ASXL2: variants seen among roughly 807,000 people sequenced by gnomAD.
The protein encoded by ASXL2 is ASXL transcriptional regulator 2.
A neutral mutation model predicts 122.0 loss-of-function variants in ASXL2; 23 were observed. That is an observed-to-expected ratio of 0.19 (90% CI 0.14 to 0.27). ASXL2 has a LOEUF of 0.27. ASXL2 is among the 10% of genes least tolerant of loss of function. The pLI is 1.00. For missense variants in ASXL2, 1,518 were observed against 1,713.8 expected, an observed-to-expected ratio of 0.89 and a Z score of 2.02; for synonymous variants, 650 against 637.0, an observed-to-expected ratio of 1.02 and a Z score of -0.31.
chr2:25,809,338 G>A (rs2089132328), intron 3 of ASXL2, among the ~76,000 whole-genome samples: 1 of 151,652 alleles, frequency 6.6e-6, no homozygotes, highest in East Asian at 1.9e-4. Flanking sequence ...ATATCTTAAA[G>A]CTGAAAACCT....
At chr2:25,871,050 T>C (rs2089958574) in intron 1 of ASXL2, among the ~76,000 whole-genome samples, 1 of 152,208 alleles carries the variant, frequency 6.6e-6, no homozygotes, top group South Asian at 2.1e-4. Flanking sequence ...TTTTAAATCA[T>C]ATTTAGAGTT....
intron 5 of ASXL2, among the ~76,000 whole-genome samples, chr2:25,791,835 T>G (rs1486912484): frequency 6.6e-6 from 1 of 152,252 alleles, no homozygotes; most frequent in Non-Finnish European, 1.5e-5. Flanking sequence ...ATGTGATTTA[T>G]GAAGTCATGT....
intron 1 of ASXL2, chr2:25,856,401 T>TC: frequency 1.7e-6 from 1 of 606,022 alleles, no homozygotes. Context: ...AGTGTTTATT[T>TC]CAGGAAGCAG....
In ASXL2 at chr2:25,738,547, GCTCA is replaced by G. The variant is rs2087774432; in HGVS notation, c.*3478_*3481del. 1 of 152,188 alleles carries G rather than the reference GCTCA, an allele frequency of 6.6e-6. No homozygotes were observed. The highest frequency in any genetic ancestry group is 6.5e-5 in the Admixed American group (1 of 15,272). The allele number at this position is 152,188 out of a possible 1,614,324, so 9.4% of individuals were successfully genotyped here. On this transcript the variant is annotated 3_prime_UTR_variant, in exon 13 of 13. Transcript: ENST00000435504. ...GTCAAAGAGAAAACACTCTGGCACT[GCTCA>G]CTGATAGTGAGTTCTAGAAATAAAT...
intron 2 of ASXL2, among the ~76,000 whole-genome samples, chr2:25,842,715 G>GATAA (rs2089599830): frequency 6.6e-6 from 1 of 150,824 alleles, no homozygotes; most frequent in Non-Finnish European, 1.5e-5. Context: ...TAGATAGATA[G>GATAA]ATAGATAGAT....
intron 5 of ASXL2, among the ~76,000 whole-genome samples, chr2:25,777,706 A>G (rs2088571427): frequency 6.6e-6 from 1 of 152,188 alleles, no homozygotes; most frequent in East Asian, 1.9e-4. Context: ...ATTATTAATA[A>G]CAGCAGACAA....
chr2:25,872,766 T>C (rs144012946), intron 1 of ASXL2, among the ~76,000 whole-genome samples: 1,856 of 152,254 alleles, frequency 0.012, 20 homozygotes, highest in Non-Finnish European at 0.019. Context: ...TTTACTAAAA[T>C]TGACCCTAGT....
chr2:25,819,402 T>C (rs2089280295), intron 3 of ASXL2, among the ~76,000 whole-genome samples: 1 of 152,010 alleles, frequency 6.6e-6, no homozygotes, highest in African/African-American at 2.4e-5. Flanking sequence ...TACTTACTAA[T>C]TACAAAGGGG....
chr2:25,799,644 A>G (rs2088965860), intron 4 of ASXL2, 109 bp from the exon 5 acceptor site: 1 of 1,335,850 alleles, frequency 7.5e-7, no homozygotes, highest in Admixed American at 2.6e-5. Flanking sequence ...TTTTGTTACT[A>G]TAGGATTCAG....
intron 4 of ASXL2, among the ~76,000 whole-genome samples, chr2:25,804,713 A>G (rs1047103955): frequency 3.3e-5 from 5 of 152,186 alleles, no homozygotes; most frequent in African/African-American, 1.2e-4. Flanking sequence ...GTGAAAAGTT[A>G]TTGATAAGTA....
chr2:25,841,791 C>CA (rs1298587286), intron 2 of ASXL2, among the ~76,000 whole-genome samples: 1 of 151,948 alleles, frequency 6.6e-6, no homozygotes, highest in East Asian at 1.9e-4. Context: ...ACTACAAATA[C>CA]AAAAAATTAG....
chr2:25,860,109 G>A (rs1003701563), intron 1 of ASXL2, among the ~76,000 whole-genome samples: 3 of 150,814 alleles, frequency 2.0e-5, no homozygotes, highest in African/African-American at 4.9e-5. Context: ...ATCACCTGAC[G>A]TCGGGAGTAC....
At chr2:25,751,483 A>C (rs1456171542) in intron 11 of ASXL2, among the ~76,000 whole-genome samples, 1 of 151,940 alleles carries the variant, frequency 6.6e-6, no homozygotes, top group African/African-American at 2.4e-5. Context: ...AAAATACAAT[A>C]ATTAGCTGGG....
At position 25,878,389 on chromosome 2, in the gene ASXL2, G is replaced by C; in HGVS notation, c.-167C>G. 5 of 617,738 alleles carry C rather than the reference G, an allele frequency of 8.1e-6. No homozygotes were observed. In the South Asian group the frequency reaches 9.7e-5, roughly 12 times the overall value. The allele number at this position is 617,738 out of a possible 1,614,324, so 38.3% of individuals were successfully genotyped here. On this transcript the variant is annotated 5_prime_UTR_variant, in exon 1 of 13. Coordinates refer to ENST00000435504, the MANE Select transcript of ASXL2 (RefSeq NM_018263.6). ...AGGAAGCGGCGGGGGTGGTGCGCGGGGGGGTCTATGGGGCGGCCGGTCCTC... is the reference window on the plus strand; with the variant it reads ...AGGAAGCGGCGGGGGTGGTGCGCGGCGGGGTCTATGGGGCGGCCGGTCCTC...
intron 12 of ASXL2, among the ~76,000 whole-genome samples, chr2:25,747,048 ATTAT>A (rs1192941400): frequency 6.6e-6 from 1 of 152,176 alleles, no homozygotes; most frequent in Non-Finnish European, 1.5e-5. Flanking sequence ...TCATCTCTAG[ATTAT>A]TTATAACACC....
At chr2:25,831,298 G>A (rs554499704) in intron 3 of ASXL2, among the ~76,000 whole-genome samples, 34 of 138,766 alleles carry the variant, frequency 2.5e-4, no homozygotes, top group African/African-American at 4.3e-4. Flanking sequence ...GTGAGACTCC[G>A]TCTCAAAAAA....
chr2:25,837,093 G>GC (rs1574440994), intron 2 of ASXL2, among the ~76,000 whole-genome samples: 1 of 117,406 alleles, frequency 8.5e-6, no homozygotes. Flanking sequence ...GTGGGGGGGG[G>GC]GGGCGTGGGA....
chr2:25,844,930 C>G (rs1196527519), intron 2 of ASXL2, among the ~76,000 whole-genome samples: 1 of 152,152 alleles, frequency 6.6e-6, no homozygotes, highest in Non-Finnish European at 1.5e-5. Context: ...AGCCACCATG[C>G]CTGGCCTGCT....
chr2:25,785,891 A>T (rs1016735343), intron 5 of ASXL2, among the ~76,000 whole-genome samples: 6 of 152,294 alleles, frequency 3.9e-5, no homozygotes, highest in African/African-American at 1.4e-4. Context: ...GAGAACCAAA[A>T]ACCAATTACC....
Sources: gnomAD v4.1 joint callset for allele counts (sites outside exome capture counted in the v4.1 genomes callset) on GRCh38, gnomAD v4.1.1 for gene constraint, MANE v1.5 for transcripts, NCBI Gene and HGNC (gene_info 2026-07-23, HGNC 2026-07-21) for gene names.